The following CBX5 variants were observed in gnomAD, a reference collection of about 807,000 sequenced individuals.
CBX5 encodes the protein chromobox 5, also known as chromobox protein homolog 5.
Under a neutral mutation model 20.7 loss-of-function variants are expected in CBX5, and 7 were observed. That is an observed-to-expected ratio of 0.34 (90% CI 0.19 to 0.63). The LOEUF (loss-of-function observed/expected upper bound fraction) is 0.63, where lower values mean the gene tolerates loss of function less well. Among genes scored for constraint, CBX5 ranks in the 30% least tolerant of loss-of-function variants. The pLI is 0.75. For missense variants in CBX5, 110 were observed against 224.1 expected (o/e 0.49, Z 3.25); for synonymous variants, 78 against 77.0 (o/e 1.01, Z -0.07).
chr12:54,249,822 CT>C (rs1177573235), intron 3 of CBX5, among the ~76,000 whole-genome samples: 4 of 152,176 alleles, frequency 2.6e-5, no homozygotes, highest in African/African-American at 9.7e-5. Context: ...CATAAATACA[CT>C]TCCCAAACTG....
At chr12:54,253,766 A>ATT (rs1413056171) in intron 2 of CBX5, among the ~76,000 whole-genome samples, 4 of 140,850 alleles carry the variant, frequency 2.8e-5, no homozygotes, top group Non-Finnish European at 3.1e-5. Flanking sequence ...GAATTGTACA[A>ATT]TTTTTTTTTT....
rs375684551 is a variant in CBX5, at chr12:54,243,400, A to T, written c.426-1495T>A. Among the ~76,000 whole-genome samples the T allele has an allele frequency of 5.2e-4, 79 of 152,080 alleles. 2 individuals are homozygous for T. In the East Asian group the frequency reaches 0.011, roughly 21 times the overall value. Reference sequence around the variant, plus strand: ...TAGGAAGACCTGGTCTCTTCAAAAAACTTTTTAAAAATTAGCAGGCCATGG... The same window carrying T: ...TAGGAAGACCTGGTCTCTTCAAAAATCTTTTTAAAAATTAGCAGGCCATGG... On this transcript the variant is annotated intron_variant, in intron 4 of 4. Coordinates refer to ENST00000209875, the MANE Select transcript of CBX5 (RefSeq NM_012117.3).
chr12:54,268,214 T>A (rs1288588598), intron 1 of CBX5, among the ~76,000 whole-genome samples: 2 of 152,084 alleles, frequency 1.3e-5, no homozygotes, highest in East Asian at 3.9e-4. Flanking sequence ...TCCTGACCAA[T>A]TTCTCTCTGT....
At position 54,260,247 on chromosome 12, in the gene CBX5, T is replaced by G. The variant is rs373548007; in HGVS notation, c.-42-2555A>C. 1.6e-4 allele frequency among the ~76,000 whole-genome samples: 24 copies of G among 151,758 alleles called. 1 individual carries two copies. The highest frequency in any genetic ancestry group is 5.8e-4 in the African/African-American group (24 of 41,338). ...GGCTCATGCCTGTAATCCCAGAACT[T>G]TGGGAGGCCGGGACGGGGCAATCAT... On this transcript the variant is annotated intron_variant, in intron 1 of 4. Transcript: ENST00000209875.
At chr12:54,244,794 T>C (rs577137059) in intron 4 of CBX5, among the ~76,000 whole-genome samples, 1 of 152,164 alleles carries the variant, frequency 6.6e-6, no homozygotes, top group Non-Finnish European at 1.5e-5. Context: ...CTCTCTCTAC[T>C]GGATGAAATA....
intron 3 of CBX5, among the ~76,000 whole-genome samples, chr12:54,246,883 T>C (rs1403964186): frequency 6.6e-6 from 1 of 152,120 alleles, no homozygotes; most frequent in Non-Finnish European, 1.5e-5. Context: ...TCCTTAATAT[T>C]GTAAATAAGC....
intron 4 of CBX5, among the ~76,000 whole-genome samples, chr12:54,244,003 A>G (rs1943706603): frequency 6.6e-6 from 1 of 151,878 alleles, no homozygotes; most frequent in Admixed American, 6.6e-5. Flanking sequence ...TTTTGATTAT[A>G]CAACTTTTTT....
chr12:54,276,560 G>A (rs1592166321), intron 1 of CBX5: 2 of 152,264 alleles, frequency 1.3e-5, no homozygotes, highest in East Asian at 1.9e-4. Context: ...CACAAGCAAG[G>A]GACCATCTGT....
At chr12:54,262,559 C>T (rs1466148329) in intron 1 of CBX5, 2 of 152,832 alleles carry the variant, frequency 1.3e-5, no homozygotes, top group South Asian at 2.1e-4. Flanking sequence ...GCAAGGATGA[C>T]GACATAGTTC....
chr12:54,265,394 T>C (rs1246604629), intron 1 of CBX5, among the ~76,000 whole-genome samples: 2 of 152,210 alleles, frequency 1.3e-5, no homozygotes, highest in Admixed American at 6.5e-5. Context: ...TTGCAGTGGA[T>C]TTATGATTTC....
In CBX5 at chr12:54,238,851, A is replaced by G. The variant is rs958394314; in HGVS notation, c.*2904T>C. The G allele has an allele frequency of 4.6e-5, 7 of 152,248 alleles. No homozygotes were observed. The highest frequency in any genetic ancestry group is 1.7e-4 in the African/African-American group (7 of 41,460). The allele number at this position is 152,248 out of a possible 1,614,324, so 9.4% of individuals were successfully genotyped here. A position where few individuals can be genotyped will look rare whatever the true frequency, so the allele number is the denominator to read the frequency against. The stretch of plus-strand genomic sequence containing the variant: ...GAAAGGCTTAGAAAGATGTCTTGAA[A>G]GAGGACTAAACACAAGAAAAATAAA... On this transcript the variant is annotated 3_prime_UTR_variant, in exon 5 of 5. Transcript: ENST00000209875.
At chr12:54,242,245 G>T (rs758009367) in intron 4 of CBX5, among the ~76,000 whole-genome samples, 1 of 152,026 alleles carries the variant, frequency 6.6e-6, no homozygotes, top group Admixed American at 6.6e-5. Flanking sequence ...ACATTCAGGG[G>T]CCGGGCACGG....
intron 1 of CBX5, among the ~76,000 whole-genome samples, chr12:54,271,637 C>A (rs776965448): frequency 3.3e-5 from 5 of 152,124 alleles, no homozygotes; most frequent in Non-Finnish European, 5.9e-5. Context: ...TACTTCATTT[C>A]TGTTTTCCTT....
intron 1 of CBX5, among the ~76,000 whole-genome samples, chr12:54,275,889 C>T (rs1359216289): frequency 6.7e-6 from 1 of 149,694 alleles, no homozygotes; most frequent in Middle Eastern, 3.2e-3. Flanking sequence ...ACTCAGGAGG[C>T]TGGAGCAGGA....
chr12:54,276,008 A>C (rs894514053), intron 1 of CBX5, among the ~76,000 whole-genome samples: 23 of 152,040 alleles, frequency 1.5e-4, no homozygotes, highest in Non-Finnish European at 3.4e-4. Flanking sequence ...AAAAAAAAAA[A>C]AACCTATCAC....
chr12:54,264,649 G>A (rs1943942229), intron 1 of CBX5, among the ~76,000 whole-genome samples: 1 of 151,908 alleles, frequency 6.6e-6, no homozygotes, highest in Admixed American at 6.6e-5. Flanking sequence ...TTGAGACCAG[G>A]CTGGCCAACA....
chr12:54,252,549 C>T, intron 2 of CBX5: 1 of 229,842 alleles, frequency 4.4e-6, no homozygotes, highest in Non-Finnish European at 8.2e-6. Flanking sequence ...TATTATCCAA[C>T]AACAATAAGC....
intron 1 of CBX5, among the ~76,000 whole-genome samples, chr12:54,261,473 T>G (rs1176220997): frequency 6.6e-6 from 1 of 151,890 alleles, no homozygotes; most frequent in East Asian, 2.0e-4. Context: ...ATTTTTGTAT[T>G]TTTAGCAGAG....
chr12:54,278,884 A>C (rs1487606732), intron 1 of CBX5: 2 of 152,244 alleles, frequency 1.3e-5, no homozygotes, highest in African/African-American at 4.8e-5. Flanking sequence ...TAAAGAAAAG[A>C]AATATATGAA....
Sources: gnomAD v4.1 joint callset for allele counts (sites outside exome capture counted in the v4.1 genomes callset) on GRCh38, gnomAD v4.1.1 for gene constraint, MANE v1.5 for transcripts, NCBI Gene and HGNC (gene_info 2026-07-23, HGNC 2026-07-21) for gene names.